Variants in PTPN14 observed in about 807,000 individuals in gnomAD.
PTPN14 encodes the protein tyrosine-protein phosphatase non-receptor type 14.
In PTPN14, 53 loss-of-function variants were observed where a neutral mutation model predicts 126.8. That is an observed-to-expected ratio of 0.42 (90% confidence interval 0.34 to 0.53). The LOEUF is 0.53. Ranked by LOEUF, PTPN14 falls within the 20% of genes least tolerant of loss-of-function variation. PTPN14 has a pLI of 0.08. For synonymous variants in PTPN14, 630 were observed against 599.3 expected (o/e 1.05, Z -0.75); for missense variants, 1,257 against 1,552.9 (o/e 0.81, Z 3.20).
chr1:214,537,069 G>A (rs1655726626), intron 1 of PTPN14, among the ~76,000 whole-genome samples: 1 of 152,144 alleles, frequency 6.6e-6, no homozygotes, highest in African/African-American at 2.4e-5. Context: ...TATGCTTCAA[G>A]TTTCTAAAAA....
At chr1:214,479,367 T>G (rs1660934059) in intron 1 of PTPN14, among the ~76,000 whole-genome samples, 1 of 143,632 alleles carries the variant, frequency 7.0e-6, no homozygotes. Context: ...TGAGATGGAG[T>G]CTCGCTCTGT....
rs1393932196 is a variant in PTPN14, at chr1:214,421,454, C to T, written c.345-6728G>A. Among the ~76,000 whole-genome samples, 3 of 152,092 alleles carry T rather than the reference C, an allele frequency of 2.0e-5. No individual in the cohort carries two copies. In the East Asian group the frequency reaches 5.8e-4, roughly 29 times the overall value. Reference sequence around the variant, plus strand: ...AAATTAGACAGTGACAGTGGCTGCACAACTTTGTTAAAACACTAAAAGTCA... The same window carrying T: ...AAATTAGACAGTGACAGTGGCTGCATAACTTTGTTAAAACACTAAAAGTCA... On this transcript the variant is annotated intron_variant, in intron 3 of 18. Coordinates refer to ENST00000366956, the MANE Select transcript of PTPN14 (RefSeq NM_005401.5).
chr1:214,356,941 A>G lies in PTPN14; in HGVS notation c.*981T>C, dbSNP rs1389332571. The G allele has an allele frequency of 6.6e-6, 1 of 152,202 alleles. No homozygotes were observed. The highest frequency in any genetic ancestry group is 1.5e-5 in the Non-Finnish European group (1 of 68,038). 9.4% of individuals were successfully genotyped at this position (152,202 alleles called of 1,614,324 possible). ...CACACACATCTTATTTAAATAAAAA[A>G]CAATGATCATCAAGGCCCTGCCTGA... On this transcript the variant is annotated 3_prime_UTR_variant, in exon 19 of 19. Transcript: ENST00000366956.
chr1:214,486,236 CAT>C (rs1428496142), intron 1 of PTPN14, among the ~76,000 whole-genome samples: 2 of 152,182 alleles, frequency 1.3e-5, no homozygotes, highest in Non-Finnish European at 2.9e-5. Context: ...CTAAACTGTA[CAT>C]ATGTTATCTC....
At chr1:214,484,223 G>A (rs1172288406) in intron 1 of PTPN14, among the ~76,000 whole-genome samples, 2 of 152,162 alleles carry the variant, frequency 1.3e-5, no homozygotes. Context: ...GATCAACACA[G>A]TATCACCTAG....
In PTPN14 at chr1:214,357,767, C is replaced by A; in HGVS notation, c.*155G>T. ...ATAAATTATCTCATATAAAATAATA[C>A]ATGGTATGTGTGAATAATCTTGGCT... On this transcript the variant is annotated 3_prime_UTR_variant, in exon 19 of 19. Transcript: ENST00000366956. 3.6e-6 allele frequency: 2 copies of A among 558,710 alleles called. No homozygotes were observed. Among genetic ancestry groups the A allele is most frequent in the South Asian group, 3.0e-5 (1 of 33,566 alleles). 34.6% of individuals were successfully genotyped at this position (558,710 alleles called of 1,614,324 possible). A position where few individuals can be genotyped will look rare whatever the true frequency, so the allele number is the denominator to read the frequency against.
intron 1 of PTPN14, among the ~76,000 whole-genome samples, chr1:214,471,513 C>T (rs1660758701): frequency 6.6e-6 from 1 of 152,208 alleles, no homozygotes; most frequent in Admixed American, 6.5e-5. Context: ...CCTTCCTACT[C>T]TTCTCATAGT....
intron 1 of PTPN14, among the ~76,000 whole-genome samples, chr1:214,470,233 G>C (rs1382213508): frequency 6.6e-6 from 1 of 152,040 alleles, no homozygotes; most frequent in Non-Finnish European, 1.5e-5. Context: ...AGACTGCAGT[G>C]AGCTATAATC....
chr1:214,532,274 C>A, intron 1 of PTPN14: 1 of 450,914 alleles, frequency 2.2e-6, no homozygotes, highest in Non-Finnish European at 4.2e-6. Context: ...TGGTCAACAG[C>A]GTGGCCAGAG....
At chr1:214,426,579 T>C (rs1659669208) in intron 3 of PTPN14, among the ~76,000 whole-genome samples, 1 of 151,874 alleles carries the variant, frequency 6.6e-6, no homozygotes. Context: ...CACATAAATA[T>C]AGGAAACCTT....
At chr1:214,404,400 A>G (rs1659113416) in intron 5 of PTPN14, among the ~76,000 whole-genome samples, 1 of 152,194 alleles carries the variant, frequency 6.6e-6, no homozygotes, top group African/African-American at 2.4e-5. Flanking sequence ...TAAGCTCAAC[A>G]TTTTTAGTTT....
At chr1:214,497,331 T>C (rs1455986813) in intron 1 of PTPN14, among the ~76,000 whole-genome samples, 1 of 152,172 alleles carries the variant, frequency 6.6e-6, no homozygotes, top group Non-Finnish European at 1.5e-5. Flanking sequence ...AAATTAAACA[T>C]GCACAAGAGG....
intron 3 of PTPN14, among the ~76,000 whole-genome samples, chr1:214,439,795 G>A (rs1414571483): frequency 1.3e-5 from 2 of 152,158 alleles, no homozygotes; most frequent in African/African-American, 2.4e-5. Context: ...AGGACTCAGT[G>A]TCATCTGAAA....
intron 2 of PTPN14, among the ~76,000 whole-genome samples, chr1:214,461,700 T>C (rs1300288062): frequency 1.3e-5 from 2 of 152,176 alleles, no homozygotes; most frequent in African/African-American, 4.8e-5. Context: ...ATCCCAGCAC[T>C]TTGGGAGACC....
At chr1:214,436,567 C>T (rs1659921555) in intron 3 of PTPN14, among the ~76,000 whole-genome samples, 1 of 152,084 alleles carries the variant, frequency 6.6e-6, no homozygotes, top group East Asian at 1.9e-4. Context: ...GAGGCTGAGG[C>T]GGGCAGATCA....
intron 2 of PTPN14, among the ~76,000 whole-genome samples, chr1:214,453,159 T>A (rs186756072): frequency 6.6e-6 from 1 of 152,360 alleles, no homozygotes; most frequent in East Asian, 1.9e-4. Context: ...TCCCATGATG[T>A]TCCAAAGGAC....
In PTPN14 at chr1:214,384,374, T is replaced by C; in HGVS notation, c.1481A>G (p.His494Arg). 6.2e-7 allele frequency: 1 copy of C among 1,614,072 alleles called. No homozygotes were observed. The highest frequency in any genetic ancestry group is 8.5e-7 in the Non-Finnish European group (1 of 1,180,018). ...VYSQPEMRER[H>R]PYTVPYGPQG... The stretch of plus-strand genomic sequence containing the variant: ...TGGCCCATAAGGGACAGTGTAGGGG[T>C]GCCTCTCCCGCATCTCCGGTTGGCT... The change falls in exon 13 of 19, where the codon CAC (histidine) becomes CGC (arginine). Residue 494 changes from histidine to arginine, a missense_variant. By Grantham distance (29) the His-to-Arg change is conservative. Around this residue, in one of 3 missense-constraint regions of PTPN14, gnomAD observed 1,021 missense variants for 1,183.3 expected, o/e 0.86. Transcript: ENST00000366956. This position sits in a 1 kb window ranked among gnomAD's most constrained non-coding sequence, Gnocchi z 5.3.
chr1:214,533,318 G>A (rs866063801), intron 1 of PTPN14: 14 of 550,190 alleles, frequency 2.5e-5, no homozygotes, highest in South Asian at 1.3e-4. Context: ...ACCACCTACC[G>A]CTGCCTGCTG....
chr1:214,371,036 C>T (rs1658206276), intron 16 of PTPN14, among the ~76,000 whole-genome samples: 1 of 152,174 alleles, frequency 6.6e-6, no homozygotes, highest in Non-Finnish European at 1.5e-5. Context: ...AGCAGATTTA[C>T]CTCGAATTTA....
Sources: gnomAD v4.1 joint callset for allele counts (sites outside exome capture counted in the v4.1 genomes callset) on GRCh38, gnomAD v4.1.1 for gene constraint, gnomAD v4.1.1 regional missense constraint, Gnocchi (gnomAD v3.1) non-coding constraint, MANE v1.5 for transcripts, NCBI Gene and HGNC (gene_info 2026-07-23, HGNC 2026-07-21) for gene names.